Variants in AP4E1 observed in about 807,000 individuals in gnomAD.
AP4E1 encodes the protein adaptor related protein complex 4 subunit epsilon 1.
A neutral mutation model predicts 128.2 loss-of-function variants in AP4E1; 56 were observed. That is an observed-to-expected ratio of 0.44 (90% CI 0.35 to 0.55). The LOEUF (loss-of-function observed/expected upper bound fraction) is 0.55, where lower values mean the gene tolerates loss of function less well. AP4E1 is among the 20% of genes least tolerant of loss of function. AP4E1 has a pLI of 0.00. For missense variants in AP4E1, 1,324 were observed against 1,307.7 expected (o/e 1.01, Z -0.19); for synonymous variants, 484 against 473.1 (o/e 1.02, Z -0.30).
rs531540444 is a variant in AP4E1 at position 51,004,163 on chromosome 15, C to G, written c.*1501C>G. ...TTCCTCCTTTTGAATAGATCAGATT[C>G]ATCCCCAGGCTCTCAGCAGTGTCAT... On this transcript the variant is annotated 3_prime_UTR_variant, in exon 21 of 21. Coordinates refer to ENST00000261842, the MANE Select transcript of AP4E1 (RefSeq NM_007347.5). 1 of 152,332 alleles carries G rather than the reference C, an allele frequency of 6.6e-6. No individual in the cohort carries two copies. Among genetic ancestry groups the G allele is most frequent in the East Asian group, 1.9e-4 (1 of 5,182 alleles). The allele number at this position is 152,332 out of a possible 1,614,324, so 9.4% of individuals were successfully genotyped here. A position where few individuals can be genotyped will look rare whatever the true frequency, so the allele number is the denominator to read the frequency against.
chr15:50,928,963 T>A (rs1207199509), intron 5 of AP4E1, 46 bp from the exon 6 acceptor site: 1 of 1,594,168 alleles, frequency 6.3e-7, no homozygotes, highest in East Asian at 2.2e-5. Flanking sequence ...AAGTAAATAC[T>A]TGAGAATTCA....
intron 16 of AP4E1, among the ~76,000 whole-genome samples, chr15:50,992,109 T>A (rs574421576): frequency 6.6e-6 from 1 of 152,274 alleles, no homozygotes; most frequent in African/African-American, 2.4e-5. Flanking sequence ...GAAAAAGTTT[T>A]TCAGACTTGA....
chr15:50,919,891 G>A (rs1178409662), intron 3 of AP4E1, among the ~76,000 whole-genome samples: 1 of 151,746 alleles, frequency 6.6e-6, no homozygotes, highest in Non-Finnish European at 1.5e-5. Context: ...AGCCTGGCCA[G>A]CATGGTGAAA....
chr15:50,971,558 T>C (rs1021514167), intron 15 of AP4E1, among the ~76,000 whole-genome samples: 1 of 152,154 alleles, frequency 6.6e-6, no homozygotes, highest in Non-Finnish European at 1.5e-5. Context: ...TCTCTTCTCC[T>C]TCTGAAATGC....
intron 3 of AP4E1, among the ~76,000 whole-genome samples, chr15:50,916,978 T>A (rs2063638168): frequency 1.3e-5 from 2 of 152,224 alleles, no homozygotes; most frequent in African/African-American, 4.8e-5. Context: ...TTAAATATTA[T>A]ACAAATATGG....
At chr15:50,986,727 T>G (rs1026339499) in intron 16 of AP4E1, among the ~76,000 whole-genome samples, 55 of 152,314 alleles carry the variant, frequency 3.6e-4, no homozygotes, top group Middle Eastern at 6.8e-3. Context: ...TTATTGAGGA[T>G]TTTTGCATCG....
rs895748460 is a variant in AP4E1, at chr15:50,984,955, C to T, written c.2090+810C>T. Among the ~76,000 whole-genome samples the T allele has an allele frequency of 2.2e-4, 33 of 152,262 alleles. 1 individual carries two copies. Among genetic ancestry groups the T allele is most frequent in the Admixed American group, 9.2e-4 (14 of 15,294 alleles). On this transcript the variant is annotated intron_variant, in intron 16 of 20. Coordinates refer to ENST00000261842, the MANE Select transcript of AP4E1 (RefSeq NM_007347.5). The stretch of plus-strand genomic sequence containing the variant: ...TAAAAGTGTTCCTATTTCTCCACAT[C>T]CTCTCCAGCACCTGTTGTTTCCTGA...
intron 14 of AP4E1, among the ~76,000 whole-genome samples, chr15:50,967,437 C>G (rs1317300544): frequency 6.6e-6 from 1 of 152,174 alleles, no homozygotes. Context: ...GATAGGGCCA[C>G]AAATCAAGGA....
intron 8 of AP4E1, among the ~76,000 whole-genome samples, chr15:50,936,739 A>G (rs530901233): frequency 2.6e-5 from 4 of 152,218 alleles, no homozygotes; most frequent in South Asian, 4.1e-4. Context: ...TTCAAGACCA[A>G]CCTGGCCAAT....
At position 51,002,557 on chromosome 15, in the gene AP4E1, T is replaced by C; in HGVS notation, c.3309T>C (p.His1103=). The C allele has an allele frequency of 6.2e-7, 1 of 1,614,212 alleles. No individual in the cohort carries two copies. Among genetic ancestry groups the C allele is most frequent in the East Asian group, 2.2e-5 (1 of 44,884 alleles). ...TCCCATCCATCCCCTGCTTACTGCA[T>C]TGCCGAGTTCATGCAGATGTATTAG... ...QLLPSIPCLL[H]CRVHADVLAL... is the part of the protein sequence containing the mutation. The change falls in exon 21 of 21, where the codon CAT becomes CAC. Residue 1103 remains histidine (H), a synonymous_variant. Coordinates refer to ENST00000261842, the MANE Select transcript of AP4E1 (RefSeq NM_007347.5).
chr15:50,967,932 C>A (rs958146142), intron 14 of AP4E1, among the ~76,000 whole-genome samples: 1 of 152,226 alleles, frequency 6.6e-6, no homozygotes, highest in African/African-American at 2.4e-5. Flanking sequence ...GCTGCAGTCT[C>A]CCGGGTGGTG....
intron 20 of AP4E1, among the ~76,000 whole-genome samples, chr15:51,001,460 A>C (rs1021821361): frequency 1.3e-5 from 2 of 152,194 alleles, no homozygotes; most frequent in Non-Finnish European, 2.9e-5. Flanking sequence ...TATCTTCAGA[A>C]CTTTTTTATC....
At chr15:50,915,605 T>C (rs768709874) in intron 3 of AP4E1, 34 bp downstream of exon 3, 2 of 1,611,050 alleles carry the variant, frequency 1.2e-6, no homozygotes, top group Non-Finnish European at 1.7e-6. Flanking sequence ...GATGCTTTCA[T>C]GTTGTCCTTG....
intron 13 of AP4E1, among the ~76,000 whole-genome samples, chr15:50,954,108 A>C (rs2064185884): frequency 6.6e-6 from 1 of 152,226 alleles, no homozygotes; most frequent in Admixed American, 6.5e-5. Flanking sequence ...CTTGTATCCT[A>C]CAGTCTTGCT....
At chr15:50,973,208 T>G (rs2064506418) in intron 15 of AP4E1, among the ~76,000 whole-genome samples, 1 of 152,160 alleles carries the variant, frequency 6.6e-6, no homozygotes, top group African/African-American at 2.4e-5. Context: ...TTTTTTTTCC[T>G]ATTTGTCCTT....
At chr15:50,942,070 C>T (rs2063996160) in intron 10 of AP4E1, among the ~76,000 whole-genome samples, 1 of 152,102 alleles carries the variant, frequency 6.6e-6, no homozygotes, top group Non-Finnish European at 1.5e-5. Context: ...GTGTGTGCCA[C>T]CACGCGTGGC....
intron 15 of AP4E1, among the ~76,000 whole-genome samples, chr15:50,976,582 T>C (rs2064554563): frequency 6.6e-6 from 1 of 152,204 alleles, no homozygotes; most frequent in South Asian, 2.1e-4. Context: ...AGGAAAATTG[T>C]TCCTCTTTGC....
intron 10 of AP4E1, chr15:50,945,043 G>A: frequency 1.3e-6 from 1 of 777,710 alleles, no homozygotes. Context: ...TTCACCGTTG[G>A]TGGTGACAAA....
intron 2 of AP4E1, among the ~76,000 whole-genome samples, chr15:50,914,333 C>A (rs1465735736): frequency 1.3e-5 from 2 of 151,922 alleles, no homozygotes; most frequent in African/African-American, 2.4e-5. Flanking sequence ...AATATGCTAA[C>A]CCTAGTTAAT....
Sources: allele counts gnomAD v4.1 joint callset (sites outside exome capture counted in the v4.1 genomes callset), GRCh38; gene constraint gnomAD v4.1.1; transcripts MANE v1.5; gene names NCBI Gene and HGNC (gene_info 2026-07-23, HGNC 2026-07-21).